Variants in POTEJ observed in about 807,000 individuals in gnomAD.
The protein encoded by POTEJ is POTE ankyrin domain family member J, also known as POTE ankyrin domain family, member J.
In POTEJ, 11 loss-of-function variants were observed where a neutral mutation model predicts 69.0. The ratio of observed to expected loss-of-function variants is 0.16; its 90% CI spans 0.10 to 0.26. The LOEUF (loss-of-function observed/expected upper bound fraction) is 0.26. POTEJ is among the 10% of genes least tolerant of loss of function. The probability of loss-of-function intolerance (pLI) is 1.00; values close to 1 mark genes in which losing one functional copy is unlikely to be tolerated. For synonymous variants in POTEJ, 117 were observed against 381.1 expected (o/e 0.31, Z 8.07); for missense variants, 327 against 1,045.5 (o/e 0.31, Z 9.48).
At chr2:130,642,027 C>T (rs1424519928) in intron 10 of POTEJ, among the ~76,000 whole-genome samples, 9 of 151,176 alleles carry the variant, frequency 6.0e-5, no homozygotes, top group African/African-American at 1.5e-4. Context: ...GAGCAAGGAG[C>T]GTATGAAGGC....
chr2:130,626,175 A>C (rs1358891934), intron 6 of POTEJ, among the ~76,000 whole-genome samples: 1 of 149,226 alleles, frequency 6.7e-6, no homozygotes, highest in Admixed American at 6.7e-5. Context: ...CCACATGCTC[A>C]TTCCCAAACC....
chr2:130,648,781 GTTTTTT>G (rs761289482), intron 13 of POTEJ, among the ~76,000 whole-genome samples: 18 of 81,824 alleles, frequency 2.2e-4, no homozygotes, highest in East Asian at 1.4e-3. Context: ...CTTTCTCATA[GTTTTTT>G]TTTTTTTTTT....
At chr2:130,642,317 C>G (rs577515534) in intron 10 of POTEJ, among the ~76,000 whole-genome samples, 348 of 108,050 alleles carry the variant, frequency 3.2e-3, no homozygotes, top group African/African-American at 0.013. Flanking sequence ...ATTGCTGACT[C>G]AAACACAATG....
rs1277648350 is a variant in POTEJ at position 130,633,927 on chromosome 2, T to TTC, written c.1298+1272_1298+1273insCT. The stretch of plus-strand genomic sequence containing the variant: ...TGTGGACTATATAAATTAATTTATT[T>TTC]TTGAGACAGGGTCTCACTCTGTTTC... On this transcript the variant is annotated intron_variant, in intron 9 of 14. Transcript: ENST00000409602. Among the ~76,000 whole-genome samples, 139 of 150,422 alleles carry TTC rather than the reference T, an allele frequency of 9.2e-4. No homozygotes were observed. In the East Asian group the frequency reaches 0.018, roughly 19 times the overall value.
At chr2:130,646,714 G>C (rs1259336681) in intron 13 of POTEJ, among the ~76,000 whole-genome samples, 1 of 135,324 alleles carries the variant, frequency 7.4e-6, no homozygotes, top group African/African-American at 3.2e-5. Context: ...CCTCCCTCAA[G>C]TAGGCCCCAG....
intron 1 of POTEJ, among the ~76,000 whole-genome samples, chr2:130,615,435 C>T (rs549599691): frequency 5.5e-5 from 7 of 128,062 alleles, no homozygotes; most frequent in Non-Finnish European, 8.1e-5. Context: ...AAAGAAGGAA[C>T]GAGAGCATGT....
intron 10 of POTEJ, among the ~76,000 whole-genome samples, chr2:130,641,049 T>A (rs1286913873): frequency 1.3e-5 from 2 of 152,090 alleles, no homozygotes; most frequent in Non-Finnish European, 2.9e-5. Flanking sequence ...GTCTCTGTCA[T>A]ATCTACTTAA....
chr2:130,645,388 A>AT (rs1399858363), intron 11 of POTEJ, among the ~76,000 whole-genome samples: 275 of 82,396 alleles, frequency 3.3e-3, no homozygotes, highest in African/African-American at 0.011. Context: ...TCATCTGCTG[A>AT]TTCATTTTTG....
chr2:130,625,288 C>T (rs1427626630), intron 6 of POTEJ, among the ~76,000 whole-genome samples: 1 of 152,088 alleles, frequency 6.6e-6, no homozygotes, highest in Non-Finnish European at 1.5e-5. Context: ...CACTTGTCCA[C>T]TTAACATATA....
chr2:130,611,302 G>T (rs1162742367), upstream of POTEJ, among the ~76,000 whole-genome samples: 18 of 140,932 alleles, frequency 1.3e-4, no homozygotes, highest in Non-Finnish European at 2.7e-4. Flanking sequence ...GTTTTCTTGG[G>T]GGGGGGGGGG....
At position 130,633,917 on chromosome 2, in the gene POTEJ, TTA is replaced by T. The variant is rs1240597946; in HGVS notation, c.1298+1262_1298+1263del. On this transcript the variant is annotated intron_variant, in intron 9 of 14. Transcript: ENST00000409602. ...TTTTAGGCTTTGTGGACTATATAAA[TTA>T]ATTTATTTTTGAGACAGGGTCTCAC... 9.1e-4 allele frequency among the ~76,000 whole-genome samples: 136 copies of T among 150,254 alleles called. No individual in the cohort carries two copies. The East Asian group carries it at 0.017, about 19-fold the overall frequency.
At chr2:130,615,766 G>T (rs1432130300) in intron 1 of POTEJ, among the ~76,000 whole-genome samples, 1 of 148,884 alleles carries the variant, frequency 6.7e-6, no homozygotes, top group Non-Finnish European at 1.5e-5. Context: ...GAATGTAAAA[G>T]TTGAAAAAAG....
intron 9 of POTEJ, among the ~76,000 whole-genome samples, chr2:130,633,362 TA>T (rs1428521430): frequency 7.2e-6 from 1 of 138,308 alleles, no homozygotes; most frequent in Non-Finnish European, 1.6e-5. Flanking sequence ...CATATATACT[TA>T]TGTATAAGGA....
At chr2:130,627,075 T>G (rs1340251884) in intron 6 of POTEJ, among the ~76,000 whole-genome samples, 1 of 152,114 alleles carries the variant, frequency 6.6e-6, no homozygotes, top group Non-Finnish European at 1.5e-5. Flanking sequence ...GTTTCCAGGT[T>G]GTACAGTAGT....
chr2:130,640,666 G>A (rs1157961912), intron 10 of POTEJ, among the ~76,000 whole-genome samples: 2 of 151,550 alleles, frequency 1.3e-5, no homozygotes, highest in Non-Finnish European at 2.9e-5. Context: ...TAAACAGGGA[G>A]GAAACTTAGA....
chr2:130,618,202 G>A (rs1412368010), intron 3 of POTEJ, among the ~76,000 whole-genome samples: 1 of 152,282 alleles, frequency 6.6e-6, no homozygotes, highest in East Asian at 1.9e-4. Context: ...ATCATGTGGT[G>A]TTTTCAGCAA....
Position 130,656,539 on chromosome 2 carries a change from G to A in POTEJ, c.1789-10G>A. 2 of 1,607,578 alleles carry A rather than the reference G, an allele frequency of 1.2e-6. No homozygotes were observed. Among genetic ancestry groups the A allele is most frequent in the South Asian group, 1.1e-5 (1 of 90,758 alleles). ...TGAGTGCTAACTAAAAGTTCTCTTT[G>A]TTTACTTAGCTTTCTCTTAGTTGTA... On this transcript the variant is annotated splice_polypyrimidine_tract_variant and intron_variant, in intron 14 of 14. Coordinates refer to ENST00000409602, the MANE Select transcript of POTEJ (RefSeq NM_001277083.2).
chr2:130,623,954 A>C lies in POTEJ; in HGVS notation c.945-110A>C. The C allele has an allele frequency of 1.3e-5, 13 of 1,021,538 alleles. 1 individual carries two copies. The highest frequency in any genetic ancestry group is 1.8e-5 in the Non-Finnish European group (13 of 718,530). The allele number at this position is 1,021,538 out of a possible 1,614,324, so 63.3% of individuals were successfully genotyped here. A position where few individuals can be genotyped will look rare whatever the true frequency, so the allele number is the denominator to read the frequency against. On this transcript the variant is annotated intron_variant, in intron 5 of 14. Coordinates refer to ENST00000409602, the MANE Select transcript of POTEJ (RefSeq NM_001277083.2). The stretch of plus-strand genomic sequence containing the variant: ...ATAAGTGGATGGGATAATACTATTA[A>C]GTTCTGATATTCTGATATTGTTTGA...
chr2:130,657,516 G>A lies in POTEJ; in HGVS notation c.2756G>A (p.Arg919His), dbSNP rs762821833. The change falls in exon 15 of 15, where the codon CGC becomes CAC. Residue 919 changes from arginine to histidine, a missense_variant. Coordinates refer to ENST00000409602, the MANE Select transcript of POTEJ (RefSeq NM_001277083.2). ...ATCACCATCAGCAACGAGTGGTTCCGCTGCCCCGAGGCGCTCTTCCAGCCT... is the reference window on the plus strand; with the variant it reads ...ATCACCATCAGCAACGAGTGGTTCCACTGCCCCGAGGCGCTCTTCCAGCCT... ...QVITISNEWF[R>H]CPEALFQPCF... is the part of the protein sequence containing the mutation. 37 of 1,568,308 alleles carry A rather than the reference G, an allele frequency of 2.4e-5. 7 individuals carry two copies. The highest frequency in any genetic ancestry group is 3.0e-5 in the African/African-American group (2 of 66,132).
Sources: gnomAD v4.1 joint callset for allele counts (sites outside exome capture counted in the v4.1 genomes callset) on GRCh38, gnomAD v4.1.1 for gene constraint, MANE v1.5 for transcripts, NCBI Gene and HGNC (gene_info 2026-07-23, HGNC 2026-07-21) for gene names.